The following HADHB variants were observed in gnomAD, a reference collection of about 807,000 sequenced individuals.
HADHB encodes hydroxyacyl-CoA dehydrogenase trifunctional multienzyme complex subunit beta, also known as trifunctional enzyme subunit beta, mitochondrial.
HADHB carries 50 observed loss-of-function variants against 61.9 expected under a neutral mutation model. The observed-to-expected ratio is 0.81, with a 90% CI of 0.64 to 1.02. HADHB has a LOEUF of 1.02. HADHB is among the 50% of genes least tolerant of loss of function. The pLI is 0.00. For missense variants in HADHB, 504 were observed against 586.5 expected (o/e 0.86, Z 1.45); for synonymous variants, 191 against 201.6 (o/e 0.95, Z 0.45).
In HADHB at chr2:26,289,925, C is replaced by T; in HGVS notation, c.1397C>T (p.Ala466Val). The T allele has an allele frequency of 6.2e-7, 1 of 1,607,138 alleles. No individual in the cohort carries two copies. Among genetic ancestry groups the T allele is most frequent in the Non-Finnish European group, 8.5e-7 (1 of 1,173,702 alleles). Residue 466 changes from alanine (A) to valine (V), a missense_variant, in exon 16 of 16, where the codon GCT becomes GTT. Transcript: ENST00000317799. Reference protein sequence around the residue: ...AACAAGGQGHAMIVEAYPK With the variant: ...AACAAGGQGHVMIVEAYPK ...ACTTTGTTTTCTTTACAGGGCCATG[C>T]TATGATAGTGGAAGCTTATCCAAAA... is the stretch of plus-strand genomic sequence containing the variant.
chr2:26,275,650 G>T (rs962676797), intron 6 of HADHB, among the ~76,000 whole-genome samples: 1 of 152,080 alleles, frequency 6.6e-6, no homozygotes, highest in African/African-American at 2.4e-5. Context: ...TCTTCCTTTC[G>T]GATTGGTTTA....
intron 4 of HADHB, among the ~76,000 whole-genome samples, chr2:26,266,399 T>TG: frequency 6.6e-6 from 1 of 152,306 alleles, no homozygotes; most frequent in Non-Finnish European, 1.5e-5. Flanking sequence ...ATTTTCTAAG[T>TG]GGAAAAAGTC....
chr2:26,283,251 A>G (rs1289321805), intron 12 of HADHB, among the ~76,000 whole-genome samples, 200 bp downstream of exon 12: 1 of 152,128 alleles, frequency 6.6e-6, no homozygotes, highest in Non-Finnish European at 1.5e-5. Context: ...CTGGCCGGGC[A>G]CGGTGGCTCA....
chr2:26,280,156 A>G lies in HADHB; in HGVS notation c.933+41A>G, dbSNP rs765874324. ...ATTTGTATTTAGTAGTGACTTTTCT[A>G]TTTCTGTACTCTCTGTAGAAAAGCC... On this transcript the variant is annotated intron_variant, in intron 10 of 15. Coordinates refer to ENST00000317799, the MANE Select transcript of HADHB (RefSeq NM_000183.3). The G allele has an allele frequency of 2.6e-6, 4 of 1,512,378 alleles. No individual in the cohort carries two copies. The East Asian group carries it at 6.8e-5, about 26-fold the overall frequency. The allele number at this position is 1,512,378 out of a possible 1,614,324, so 93.7% of individuals were successfully genotyped here.
intron 1 of HADHB, among the ~76,000 whole-genome samples, chr2:26,246,502 G>C (rs954137772): frequency 4.0e-5 from 6 of 151,816 alleles, no homozygotes; most frequent in African/African-American, 1.5e-4. Flanking sequence ...ACCACGCCGG[G>C]CTAATTTTTT....
chr2:26,280,236 T>C, intron 10 of HADHB, 121 bp downstream of exon 10: 3 of 847,752 alleles, frequency 3.5e-6, no homozygotes, highest in South Asian at 3.0e-5. Flanking sequence ...TAGTTATTCA[T>C]TTTAATGTGA....
intron 1 of HADHB, among the ~76,000 whole-genome samples, chr2:26,248,036 T>G (rs770172522): frequency 3.9e-5 from 6 of 152,210 alleles, no homozygotes; most frequent in Non-Finnish European, 8.8e-5. Flanking sequence ...ACTCATAGCT[T>G]CAGGGACTTT....
At chr2:26,257,558 G>A (rs543639819) in intron 3 of HADHB, among the ~76,000 whole-genome samples, 1 of 152,094 alleles carries the variant, frequency 6.6e-6, no homozygotes, top group African/African-American at 2.4e-5. Flanking sequence ...ACCCAGTAAC[G>A]GCGGGGCTGA....
At chr2:26,271,048 T>A (rs1672322158) in intron 5 of HADHB, among the ~76,000 whole-genome samples, 1 of 141,866 alleles carries the variant, frequency 7.0e-6, no homozygotes. Context: ...CCGGCTAATT[T>A]TTTTTTTCTT....
intron 8 of HADHB, 102 bp downstream of exon 8, chr2:26,278,903 A>G: frequency 9.1e-7 from 1 of 1,096,798 alleles, no homozygotes; most frequent in Non-Finnish European, 1.4e-6. Flanking sequence ...CTGTAGTTAC[A>G]GGAAAGGGTT....
chr2:26,284,269 GGA>G, intron 13 of HADHB, 65 bp downstream of exon 13: 1 of 907,454 alleles, frequency 1.1e-6, no homozygotes, highest in South Asian at 1.3e-5. Flanking sequence ...CATATTTGTG[GGA>G]GAGAGCAAGG....
intron 4 of HADHB, among the ~76,000 whole-genome samples, chr2:26,269,281 A>T (rs1380729553): frequency 2.0e-5 from 3 of 152,070 alleles, no homozygotes; most frequent in Non-Finnish European, 4.4e-5. Context: ...AGCAGCCTCA[A>T]ATTCATGGCC....
intron 13 of HADHB, among the ~76,000 whole-genome samples, chr2:26,284,675 C>G: frequency 6.6e-6 from 1 of 152,072 alleles, no homozygotes; most frequent in East Asian, 1.9e-4. Flanking sequence ...CCATATTGGT[C>G]AGGCTGGTCT....
At chr2:26,260,052 T>G (rs1671796238) in intron 3 of HADHB, among the ~76,000 whole-genome samples, 1 of 151,018 alleles carries the variant, frequency 6.6e-6, no homozygotes, top group African/African-American at 2.4e-5. Context: ...TGAAAGTATA[T>G]AAAAGGAATA....
At position 26,284,807 on chromosome 2, in the gene HADHB, TTC is replaced by T. The variant is rs1672955069; in HGVS notation, c.1150-75_1150-74del. On this transcript the variant is annotated intron_variant, in intron 13 of 15. Coordinates refer to ENST00000317799, the MANE Select transcript of HADHB (RefSeq NM_000183.3). ...AAACCATACCTAAAGTTGTTAAACT[TTC>T]ACAAACCATTCCTATAAGAAAGCGT... The T allele has an allele frequency of 3.4e-5, 29 of 856,126 alleles. No individual in the cohort carries two copies. In the South Asian group the frequency reaches 3.7e-4, roughly 11 times the overall value. 53.0% of individuals were successfully genotyped at this position (856,126 alleles called of 1,614,324 possible).
At chr2:26,248,816 G>C (rs1671266665) in intron 1 of HADHB, among the ~76,000 whole-genome samples, 2 of 152,192 alleles carry the variant, frequency 1.3e-5, no homozygotes, top group African/African-American at 4.8e-5. Flanking sequence ...CAGCACTTTG[G>C]GAGGCAGAGG....
Position 26,251,131 on chromosome 2 carries a change from C to T in HADHB, c.-8-3116C>T, listed in dbSNP as rs550783354. 1.5e-4 allele frequency among the ~76,000 whole-genome samples: 22 copies of T among 142,570 alleles called. 1 individual carries two copies. Among genetic ancestry groups the T allele is most frequent in the Non-Finnish European group, 2.7e-4 (17 of 62,500 alleles). The allele number at this position is 142,570 out of a possible 152,430, so 93.5% of individuals were successfully genotyped here. A position where few individuals can be genotyped will look rare whatever the true frequency, so the allele number is the denominator to read the frequency against. On this transcript the variant is annotated intron_variant, in intron 1 of 15. Transcript: ENST00000317799. Reference sequence around the variant, plus strand: ...TACATCCTGTTTTGTTGATCAGTGTCGTTTATTCCTGTGCTAAAGCTGCTC... The same window carrying T: ...TACATCCTGTTTTGTTGATCAGTGTTGTTTATTCCTGTGCTAAAGCTGCTC...
intron 9 of HADHB, among the ~76,000 whole-genome samples, 176 bp from the exon 10 acceptor site, chr2:26,279,818 C>G (rs1672709384): frequency 6.6e-6 from 1 of 152,076 alleles, no homozygotes; most frequent in Admixed American, 6.6e-5. Context: ...TCCCAATTGT[C>G]TTTTAAGACT....
At chr2:26,274,337 A>G (rs1309021866) in intron 6 of HADHB, among the ~76,000 whole-genome samples, 1 of 152,240 alleles carries the variant, frequency 6.6e-6, no homozygotes, top group Non-Finnish European at 1.5e-5. Context: ...GCAAATCCAA[A>G]CACGTCTTCT....
Sources: gnomAD v4.1 joint callset for allele counts (sites outside exome capture counted in the v4.1 genomes callset) on GRCh38, gnomAD v4.1.1 for gene constraint, MANE v1.5 for transcripts, NCBI Gene and HGNC (gene_info 2026-07-23, HGNC 2026-07-21) for gene names.